ABCB4: variants seen among roughly 807,000 people sequenced by gnomAD.
The protein encoded by ABCB4 is ATP binding cassette subfamily B member 4, also known as phosphatidylcholine translocator ABCB4.
Under a neutral mutation model 145.7 loss-of-function variants are expected in ABCB4, and 76 were observed. The ratio of observed to expected loss-of-function variants is 0.52; its 90% CI spans 0.43 to 0.63. The LOEUF is 0.63. Ranked by LOEUF, ABCB4 falls within the 30% of genes least tolerant of loss-of-function variation. The pLI is 0.00. For synonymous variants in ABCB4, 517 were observed against 566.8 expected (o/e 0.91, Z 1.25); for missense variants, 1,234 against 1,553.1 (o/e 0.79, Z 3.45).
the ABCB4 span, among the ~76,000 whole-genome samples, chr7:87,371,073 TTGAA>T: frequency 3.3e-5 from 5 of 152,242 alleles, no homozygotes; most frequent in South Asian, 6.2e-4. Flanking sequence ...AAGTTCTTAA[TTGAA>T]TGAACTCCAG....
At chr7:87,453,695 C>CA (rs1475099891) in intron 5 of ABCB4, among the ~76,000 whole-genome samples, 1 of 151,996 alleles carries the variant, frequency 6.6e-6, no homozygotes, top group African/African-American at 2.4e-5. Context: ...TTGTTAACTG[C>CA]AAAAAAGTTA....
At chr7:87,397,511 A>T (rs31650), downstream of ABCB4, among the ~76,000 whole-genome samples, 23 of 152,154 alleles carry the variant, frequency 1.5e-4, no homozygotes, top group African/African-American at 5.6e-4. Context: ...GATAACTGAA[A>T]TTTTTTTAAA....
the ABCB4 span, among the ~76,000 whole-genome samples, chr7:87,385,039 C>T: frequency 0.081 from 12,382 of 151,972 alleles, 539 homozygotes; most frequent in South Asian, 0.16. Flanking sequence ...CTATTCTGTT[C>T]CATTGGTCTG....
At chr7:87,393,100 A>G in the ABCB4 span, 5 of 1,601,802 alleles carry the variant, frequency 3.1e-6, no homozygotes, top group Admixed American at 1.7e-5. Context: ...TTTCTGTGCT[A>G]TAGAGTAGGA....
In ABCB4 at chr7:87,406,287, C is replaced by T. The variant is rs764513998; in HGVS notation, c.3486+1G>A. ...CTGATTTCAGCTACTCTTTAACTTA[C>T]GTGGGGTAACGTCTCGATGAAAGGA... On this transcript the variant is annotated splice_donor_variant, in intron 26 of 27. Transcript: ENST00000649586. LOFTEE classifies it high-confidence loss of function. The T allele has an allele frequency of 3.7e-6, 6 of 1,613,832 alleles. No individual in the cohort carries two copies. The African/African-American group carries it at 4.0e-5, about 11-fold the overall frequency.
the ABCB4 span, among the ~76,000 whole-genome samples, chr7:87,371,658 T>G: frequency 3.2e-4 from 49 of 152,262 alleles, no homozygotes; most frequent in African/African-American, 1.1e-3. Context: ...CACCCACTTC[T>G]CCTAATCATT....
chr7:87,465,655 G>C (rs754480423), intron 3 of ABCB4, among the ~76,000 whole-genome samples: 1 of 152,192 alleles, frequency 6.6e-6, no homozygotes. Context: ...CCACCCAGTA[G>C]GGGCAGACTG....
chr7:87,402,285 C>T lies in ABCB4; in HGVS notation c.3651G>A (p.Leu1217=). 1 of 1,613,994 alleles carries T rather than the reference C, an allele frequency of 6.2e-7. No individual in the cohort carries two copies. The highest frequency in any genetic ancestry group is 1.7e-4 in the Middle Eastern group (1 of 6,058). ...AGGTGCGGCCTTCTCTGGCTTTGTC[C>T]AGGGCTTCTTGGACAACCTATTGAT... ...TESEKVVQEA[L]DKAREGRTCI... is the part of the protein sequence containing the mutation. Residue 1217 remains leucine (L), a synonymous_variant, in exon 28 of 28, where the codon CTG becomes CTA. Coordinates refer to ENST00000649586, the MANE Select transcript of ABCB4 (RefSeq NM_000443.4).
intron 17 of ABCB4, chr7:87,423,512 AT>A: frequency 3.2e-6 from 1 of 310,072 alleles, no homozygotes; most frequent in Non-Finnish European, 6.2e-6. Context: ...AGGCCAGTCT[AT>A]ACCCAGTGCC....
chr7:87,375,501 G>A, the ABCB4 span: 1 of 585,352 alleles, frequency 1.7e-6, no homozygotes. Context: ...AAATCTATTG[G>A]CATCATAAGT....
chr7:87,425,490 T>C (rs45546041), intron 16 of ABCB4, among the ~76,000 whole-genome samples: 2,503 of 152,296 alleles, frequency 0.016, 77 homozygotes, highest in African/African-American at 0.056. Flanking sequence ...TCTGCAGTAA[T>C]AGCATGCACA....
chr7:87,402,387 T>G (rs1369596277), intron 27 of ABCB4, 85 bp from the exon 28 acceptor site: 6 of 1,490,026 alleles, frequency 4.0e-6, no homozygotes, highest in Non-Finnish European at 5.5e-6. Flanking sequence ...ATGTTACCTT[T>G]CTAATCAACT....
chr7:87,384,893 G>T, the ABCB4 span, among the ~76,000 whole-genome samples: 1 of 152,118 alleles, frequency 6.6e-6, no homozygotes, highest in Non-Finnish European at 1.5e-5. Context: ...TTTTGTACAC[G>T]GTAAGAGATA....
At position 87,409,518 on chromosome 7, in the gene ABCB4, G is replaced by A. The variant is rs568890115; in HGVS notation, c.2925-126C>T. 1.2e-4 allele frequency: 111 copies of A among 936,718 alleles called. No individual in the cohort carries two copies. In the East Asian group the frequency reaches 2.6e-3, roughly 22 times the overall value. 58.0% of individuals were successfully genotyped at this position (936,718 alleles called of 1,614,324 possible). A position where few individuals can be genotyped will look rare whatever the true frequency, so the allele number is the denominator to read the frequency against. ...CTCCTTAATCATCCCCTTTCTCCCC[G>A]ACATACATTTTCATAAAATTCTAGT... On this transcript the variant is annotated intron_variant, in intron 23 of 27. Coordinates refer to ENST00000649586, the MANE Select transcript of ABCB4 (RefSeq NM_000443.4).
At chr7:87,366,557 A>G in the ABCB4 span, among the ~76,000 whole-genome samples, 7 of 152,288 alleles carry the variant, frequency 4.6e-5, no homozygotes, top group South Asian at 1.5e-3. Flanking sequence ...TTATAGCTCT[A>G]GGAAACTACA....
the ABCB4 span, chr7:87,391,654 G>A: frequency 4.3e-6 from 7 of 1,611,566 alleles, no homozygotes; most frequent in East Asian, 2.2e-5. Flanking sequence ...GAGACTATGC[G>A]ATCATGCACA....
chr7:87,412,001 A>G lies in ABCB4; in HGVS notation c.2816T>C (p.Ile939Thr). Residue 939 changes from isoleucine to threonine, a missense_variant, in exon 23 of 28, where the codon ATT becomes ACT. By Grantham distance (89) the Ile-to-Thr change is moderately conservative. This residue lies in a region of ABCB4 where 301 missense variants were observed against 389.0 expected (regional missense o/e 0.77). Transcript: ENST00000649586. Reference sequence around the variant, plus strand: ...AAATGCTTGTGAGATACTAAAAGTAATTCCATAGATGTGTGCCTTCTGCAC... The same window carrying G: ...AAATGCTTGTGAGATACTAAAAGTAGTTCCATAGATGTGTGCCTTCTGCAC... ...NSVQKAHIYG[I>T]TFSISQAFMY... 2 of 1,613,918 alleles carry G rather than the reference A, an allele frequency of 1.2e-6. No homozygotes were observed. Among genetic ancestry groups the G allele is most frequent in the Non-Finnish European group, 1.7e-6 (2 of 1,179,808 alleles).
downstream of ABCB4, among the ~76,000 whole-genome samples, chr7:87,400,424 C>T (rs1807732995): frequency 6.6e-6 from 1 of 152,060 alleles, no homozygotes; most frequent in African/African-American, 2.4e-5. Context: ...ACAATTAAGC[C>T]CTTTACACTG....
intron 3 of ABCB4, among the ~76,000 whole-genome samples, chr7:87,471,765 G>A (rs1159326022): frequency 6.6e-6 from 1 of 152,166 alleles, no homozygotes; most frequent in East Asian, 1.9e-4. Flanking sequence ...ACCAGATGAG[G>A]AGACTTCTTC....
Sources: allele counts gnomAD v4.1 joint callset (sites outside exome capture counted in the v4.1 genomes callset), GRCh38; gene constraint gnomAD v4.1.1; regional missense constraint gnomAD v4.1.1; transcripts MANE v1.5; gene names NCBI Gene and HGNC (gene_info 2026-07-23, HGNC 2026-07-21).